The following KCNIP4 variants were observed in gnomAD, a reference collection of about 807,000 sequenced individuals.
KCNIP4 encodes potassium voltage-gated channel interacting protein 4.
KCNIP4 carries 12 observed loss-of-function variants against 34.0 expected under a neutral mutation model. The observed-to-expected ratio is 0.35, with a 90% CI of 0.23 to 0.57. KCNIP4 has a LOEUF of 0.57. Ranked by LOEUF, KCNIP4 falls within the 20% of genes least tolerant of loss-of-function variation. KCNIP4 has a pLI of 0.83. For missense variants in KCNIP4, 238 were observed against 311.7 expected (o/e 0.76, Z 1.78); for synonymous variants, 124 against 102.2 (o/e 1.21, Z -1.29).
chr4:21,375,578 T>C (rs1455921783), intron 1 of KCNIP4, among the ~76,000 whole-genome samples: 4 of 151,882 alleles, frequency 2.6e-5, no homozygotes, highest in Non-Finnish European at 5.9e-5. Context: ...TTTCTTTTTT[T>C]TTTTTTGAGA....
intron 1 of KCNIP4, among the ~76,000 whole-genome samples, chr4:21,350,878 C>A (rs1317508648): frequency 6.6e-6 from 1 of 152,102 alleles, no homozygotes; most frequent in African/African-American, 2.4e-5. Flanking sequence ...TAATAATATT[C>A]ATTTTCATAC....
At chr4:20,770,891 T>C (rs1755812667) in intron 3 of KCNIP4, among the ~76,000 whole-genome samples, 1 of 152,084 alleles carries the variant, frequency 6.6e-6, no homozygotes, top group African/African-American at 2.4e-5. Flanking sequence ...GCCGAGATCA[T>C]GCCATTGCAC....
At chr4:21,046,585 T>TTATTTATTTATTTATC (rs1553931106) in intron 1 of KCNIP4, among the ~76,000 whole-genome samples, 4 of 150,836 alleles carry the variant, frequency 2.7e-5, no homozygotes, top group South Asian at 2.1e-4. Context: ...GCTAATTTAT[T>TTATTTATTTATTTATC]TATTTATTTA....
intron 1 of KCNIP4, among the ~76,000 whole-genome samples, chr4:21,588,764 A>G (rs1255652735): frequency 6.6e-6 from 1 of 151,920 alleles, no homozygotes; most frequent in African/African-American, 2.4e-5. Context: ...TCAGATACCT[A>G]GCCAAGAATG....
rs530333930 is a variant in KCNIP4 at position 21,917,410 on chromosome 4, C to T, written c.61+31161G>A. Among the ~76,000 whole-genome samples the T allele has an allele frequency of 2.6e-5, 4 of 152,312 alleles. No homozygotes were observed. In the South Asian group the frequency reaches 8.3e-4, roughly 32 times the overall value. ...TTGGCCTCCCAAAGTGCTTGGATTA[C>T]AGGCATAAACCACCACACCTGGCAG... is the stretch of plus-strand genomic sequence containing the variant. On this transcript the variant is annotated intron_variant, in intron 1 of 8. Coordinates refer to ENST00000382152, the MANE Select transcript of KCNIP4 (RefSeq NM_025221.6).
chr4:21,414,883 A>G (rs1052712667), intron 1 of KCNIP4, among the ~76,000 whole-genome samples: 2 of 152,182 alleles, frequency 1.3e-5, no homozygotes, highest in African/African-American at 4.8e-5. Context: ...CGGGCATACA[A>G]TGCAAAATAA....
chr4:21,061,958 G>T (rs933583028), intron 1 of KCNIP4, among the ~76,000 whole-genome samples: 1 of 152,184 alleles, frequency 6.6e-6, no homozygotes, highest in African/African-American at 2.4e-5. Context: ...ACAAGCCAAA[G>T]AGAGAGCCCT....
chr4:21,716,052 A>G (rs1714348975), intron 1 of KCNIP4, among the ~76,000 whole-genome samples: 1 of 152,292 alleles, frequency 6.6e-6, no homozygotes, highest in African/African-American at 2.4e-5. Flanking sequence ...TACAAAATGA[A>G]TTAGCATCAC....
intron 1 of KCNIP4, among the ~76,000 whole-genome samples, chr4:21,181,460 A>C (rs1394447407): frequency 2.0e-5 from 3 of 152,136 alleles, no homozygotes; most frequent in African/African-American, 7.2e-5. Context: ...TGGGAGTATC[A>C]CATGGATTGC....
At chr4:20,843,062 C>T (rs1384472309) in intron 3 of KCNIP4, among the ~76,000 whole-genome samples, 1 of 152,034 alleles carries the variant, frequency 6.6e-6, no homozygotes, top group Non-Finnish European at 1.5e-5. Flanking sequence ...TGGACACCAC[C>T]ATGCCTGGCT....
chr4:20,886,165 C>T (rs1157000687), intron 1 of KCNIP4, among the ~76,000 whole-genome samples: 1 of 152,172 alleles, frequency 6.6e-6, no homozygotes, highest in African/African-American at 2.4e-5. Flanking sequence ...AACCATATAA[C>T]TGGACAAGCT....
chr4:21,647,198 A>G (rs1413643108), intron 1 of KCNIP4, among the ~76,000 whole-genome samples: 1 of 152,140 alleles, frequency 6.6e-6, no homozygotes, highest in African/African-American at 2.4e-5. Context: ...GTTAGCCACC[A>G]TACTATATTT....
At position 21,528,779 on chromosome 4, in the gene KCNIP4, G is replaced by GAAA. The variant is rs1560490238; in HGVS notation, c.61+419791_61+419792insTTT. On this transcript the variant is annotated intron_variant, in intron 1 of 8. Coordinates refer to ENST00000382152, the MANE Select transcript of KCNIP4 (RefSeq NM_025221.6). The stretch of plus-strand genomic sequence containing the variant: ...AGAAAGAAAGAAAGAAAGAAAGAAA[G>GAAA]GAAGAAAGGAAGAAAGGAAGAAAGG... 5.6e-4 allele frequency among the ~76,000 whole-genome samples: 8 copies of GAAA among 14,394 alleles called. 2 individuals carry two copies. The highest frequency in any genetic ancestry group is 1.1e-3 in the Non-Finnish European group (8 of 7,334). The allele number at this position is 14,394 out of a possible 152,430, so 9.4% of individuals were successfully genotyped here.
intron 1 of KCNIP4, among the ~76,000 whole-genome samples, chr4:21,630,956 TA>T (rs1330532266): frequency 1.3e-5 from 2 of 152,222 alleles, no homozygotes; most frequent in African/African-American, 4.8e-5. Flanking sequence ...CATTCCCATT[TA>T]CTTTCACACG....
chr4:21,844,190 G>A (rs191288218), intron 1 of KCNIP4: 2 of 152,042 alleles, frequency 1.3e-5, no homozygotes, highest in East Asian at 1.9e-4. Context: ...ATATACACAA[G>A]CAATTAGAAT....
At chr4:21,303,906 T>C (rs956029316) in intron 1 of KCNIP4, 2 of 1,614,044 alleles carry the variant, frequency 1.2e-6, no homozygotes, top group Non-Finnish European at 1.7e-6. Context: ...TCCAAGTTCA[T>C]GGTCAGCTAG....
intron 1 of KCNIP4, among the ~76,000 whole-genome samples, chr4:21,119,161 T>C (rs1749930470): frequency 6.6e-6 from 1 of 152,012 alleles, no homozygotes; most frequent in Non-Finnish European, 1.5e-5. Flanking sequence ...CGATATGCAC[T>C]GAGAAAGGGC....
intron 1 of KCNIP4, among the ~76,000 whole-genome samples, chr4:21,819,411 C>G (rs536251250): frequency 2.6e-5 from 4 of 152,322 alleles, no homozygotes; most frequent in Non-Finnish European, 4.4e-5. Flanking sequence ...GCTGTCTTGC[C>G]TGACTACTCC....
intron 1 of KCNIP4, among the ~76,000 whole-genome samples, chr4:21,359,741 C>T (rs1301708763): frequency 6.6e-6 from 1 of 152,078 alleles, no homozygotes; most frequent in Non-Finnish European, 1.5e-5. Flanking sequence ...GTCATCAGCT[C>T]ATGATGCAGT....
Sources: gnomAD v4.1 joint callset for allele counts (sites outside exome capture counted in the v4.1 genomes callset) on GRCh38, gnomAD v4.1.1 for gene constraint, MANE v1.5 for transcripts, NCBI Gene and HGNC (gene_info 2026-07-23, HGNC 2026-07-21) for gene names.